MACROD2: variants seen among roughly 807,000 people sequenced by gnomAD.
MACROD2 encodes ADP-ribose glycohydrolase MACROD2.
Under a neutral mutation model 70.4 loss-of-function variants are expected in MACROD2, and 36 were observed. That is an observed-to-expected ratio of 0.51 (90% CI 0.39 to 0.68). The LOEUF is 0.68. MACROD2 is among the 30% of genes least tolerant of loss of function. The pLI is 0.00. For missense variants in MACROD2, 496 were observed against 538.4 expected (o/e 0.92, Z 0.78); for synonymous variants, 172 against 178.8 (o/e 0.96, Z 0.30).
intron 5 of MACROD2, among the ~76,000 whole-genome samples, chr20:14,908,714 G>T (rs774442344): frequency 2.0e-5 from 3 of 152,042 alleles, no homozygotes; most frequent in African/African-American, 4.8e-5. Context: ...GGAATGTGGA[G>T]AATCTATTAG....
chr20:15,665,291 G>C (rs527537138), intron 8 of MACROD2, among the ~76,000 whole-genome samples: 1 of 152,230 alleles, frequency 6.6e-6, no homozygotes, highest in South Asian at 2.1e-4. Flanking sequence ...TGTTTTAAAA[G>C]CCTCATCACT....
At chr20:15,495,951 C>G (rs1216481645) in intron 7 of MACROD2, among the ~76,000 whole-genome samples, 1 of 152,118 alleles carries the variant, frequency 6.6e-6, no homozygotes, top group Non-Finnish European at 1.5e-5. Flanking sequence ...GAGGAAAGAG[C>G]ATGAGCAAGG....
chr20:15,841,850 C>A (rs1034290569), intron 8 of MACROD2, among the ~76,000 whole-genome samples: 1 of 152,048 alleles, frequency 6.6e-6, no homozygotes, highest in Non-Finnish European at 1.5e-5. Flanking sequence ...TAGATATCCA[C>A]CCCTGGAAAA....
intron 5 of MACROD2, among the ~76,000 whole-genome samples, chr20:15,135,043 A>C (rs2076135959): frequency 1.3e-5 from 2 of 152,138 alleles, no homozygotes; most frequent in African/African-American, 4.8e-5. Context: ...ATAGACCAAT[A>C]ACAGGCTCTG....
intron 2 of MACROD2, chr20:14,003,617 A>G (rs913172692): frequency 3.1e-5 from 14 of 453,802 alleles, no homozygotes; most frequent in Non-Finnish European, 5.3e-5. Context: ...CCCAAAGATG[A>G]TTTGCTGCCC....
intron 7 of MACROD2, among the ~76,000 whole-genome samples, chr20:15,483,038 T>C (rs2047119463): frequency 6.6e-6 from 1 of 152,194 alleles, no homozygotes; most frequent in Non-Finnish European, 1.5e-5. Flanking sequence ...TCTATTGATG[T>C]TGTCTTTCAC....
chr20:14,120,974 T>C (rs972845339), intron 3 of MACROD2, among the ~76,000 whole-genome samples: 3 of 151,818 alleles, frequency 2.0e-5, no homozygotes, highest in African/African-American at 7.3e-5. Context: ...TCATTACACA[T>C]GTATACCTAT....
intron 2 of MACROD2, among the ~76,000 whole-genome samples, chr20:14,074,400 G>T (rs2053890410): frequency 6.6e-6 from 1 of 152,082 alleles, no homozygotes; most frequent in South Asian, 2.1e-4. Flanking sequence ...TGAAGCCTTT[G>T]TCTTCACTCC....
At chr20:14,437,589 C>T (rs916052125) in intron 3 of MACROD2, among the ~76,000 whole-genome samples, 1 of 151,894 alleles carries the variant, frequency 6.6e-6, no homozygotes, top group Non-Finnish European at 1.5e-5. Flanking sequence ...AGCAAAACTC[C>T]ATCTCAAAAA....
At position 15,447,051 on chromosome 20, in the gene MACROD2, C is replaced by CGTGTGT. The variant is rs57914856; in HGVS notation, c.571+15647_571+15652dup. On this transcript the variant is annotated intron_variant, in intron 7 of 17. Transcript: ENST00000684519. ...GGCAGTACTGGGACCTAAGAGTGTGCGTGTGTGTGTGTGTGTGTGTGTGTG... is the reference window on the plus strand; with the variant it reads ...GGCAGTACTGGGACCTAAGAGTGTGCGTGTGTGTGTGTGTGTGTGTGTGTGTGTGTG... 9.6e-3 allele frequency among the ~76,000 whole-genome samples: 1,401 copies of CGTGTGT among 146,652 alleles called. 4 individuals are homozygous for CGTGTGT. Among genetic ancestry groups the CGTGTGT allele is most frequent in the Middle Eastern group, 0.018 (5 of 280 alleles).
chr20:15,241,055 TTCTC>T (rs1172164939), intron 6 of MACROD2, among the ~76,000 whole-genome samples: 3 of 152,248 alleles, frequency 2.0e-5, no homozygotes, highest in African/African-American at 7.2e-5. Flanking sequence ...CATTATACTA[TTCTC>T]TCTGTTTGTG....
At chr20:15,447,051 C>CGTGT (rs57914856) in intron 7 of MACROD2, among the ~76,000 whole-genome samples, 2,481 of 146,640 alleles carry the variant, frequency 0.017, 24 homozygotes, top group Middle Eastern at 0.021. Flanking sequence ...TAAGAGTGTG[C>CGTGT]GTGTGTGTGT....
At chr20:15,146,420 C>T (rs1379276942) in intron 5 of MACROD2, among the ~76,000 whole-genome samples, 3 of 152,068 alleles carry the variant, frequency 2.0e-5, no homozygotes, top group Non-Finnish European at 4.4e-5. Context: ...TTCTTGGCTT[C>T]TCAGTTTTAC....
intron 9 of MACROD2, among the ~76,000 whole-genome samples, chr20:15,872,143 C>T (rs929972068): frequency 2.6e-5 from 4 of 152,176 alleles, no homozygotes; most frequent in African/African-American, 9.6e-5. Context: ...CACATATTAT[C>T]CATTTGCATT....
intron 3 of MACROD2, among the ~76,000 whole-genome samples, chr20:14,193,253 C>A (rs2081402629): frequency 6.6e-6 from 1 of 152,202 alleles, no homozygotes; most frequent in South Asian, 2.1e-4. Context: ...CTTGCCTAAT[C>A]CACAGAGCCA....
chr20:14,103,354 G>A (rs2148680225), intron 3 of MACROD2, among the ~76,000 whole-genome samples: 1 of 152,286 alleles, frequency 6.6e-6, no homozygotes, highest in Non-Finnish European at 1.5e-5. Flanking sequence ...AAATGCAAGG[G>A]AAACTGGCAG....
chr20:15,805,025 G>C (rs2063756622), intron 8 of MACROD2, among the ~76,000 whole-genome samples: 1 of 152,270 alleles, frequency 6.6e-6, no homozygotes, highest in South Asian at 2.1e-4. Context: ...GCTGAACAAT[G>C]CATCCTTATT....
At chr20:15,612,158 A>G (rs1414625134) in intron 8 of MACROD2, among the ~76,000 whole-genome samples, 1 of 152,104 alleles carries the variant, frequency 6.6e-6, no homozygotes, top group Non-Finnish European at 1.5e-5. Flanking sequence ...TTTAATTCCA[A>G]GAGGAGTTAG....
chr20:14,574,734 G>A (rs1980458330), intron 4 of MACROD2, among the ~76,000 whole-genome samples: 1 of 151,056 alleles, frequency 6.6e-6, no homozygotes. Context: ...ATTCACGGCC[G>A]GGCGCGGTGG....
Sources: allele counts gnomAD v4.1 joint callset (sites outside exome capture counted in the v4.1 genomes callset), GRCh38; gene constraint gnomAD v4.1.1; transcripts MANE v1.5; gene names NCBI Gene and HGNC (gene_info 2026-07-23, HGNC 2026-07-21).